RREB1: variants seen among roughly 807,000 people sequenced by gnomAD.
RREB1 encodes ras responsive element binding protein 1, also known as ras-responsive element-binding protein 1.
In RREB1, 27 loss-of-function variants were observed where a neutral mutation model predicts 117.8. The ratio of observed to expected loss-of-function variants is 0.23; its 90% CI spans 0.17 to 0.32. RREB1 has a LOEUF of 0.32. Ranked by LOEUF, RREB1 falls within the 10% of genes least tolerant of loss-of-function variation. The pLI is 1.00. For missense variants in RREB1, 2,577 were observed against 2,378.2 expected, an observed-to-expected ratio of 1.08 and a Z score of -1.74; for synonymous variants, 1,298 against 1,026.7, an observed-to-expected ratio of 1.26 and a Z score of -5.05.
intron 1 of RREB1, among the ~76,000 whole-genome samples, chr6:7,133,134 A>G (rs564871497): frequency 2.0e-5 from 3 of 152,312 alleles, no homozygotes; most frequent in South Asian, 2.1e-4. Context: ...AAGGGGCCTC[A>G]GGGAAGCATG....
intron 1 of RREB1, among the ~76,000 whole-genome samples, chr6:7,130,081 T>G (rs1762087862): frequency 6.6e-6 from 1 of 152,182 alleles, no homozygotes; most frequent in African/African-American, 2.4e-5. Context: ...CACTCAATTT[T>G]GGAGTCTTGC....
Position 7,231,434 on chromosome 6 carries a change from C to G in RREB1, c.3335C>G (p.Ala1112Gly). Residue 1112 changes from alanine (A) to glycine (G), a missense_variant, in exon 10 of 13, where the codon GCC becomes GGC. Transcript: ENST00000379938. ...DSLGGSVPKA[A>G]TTATPAATTS... ...TTAGGAGGTTCTGTCCCCAAAGCCG[C>G]CACCACCGCCACCCCCGCTGCCACC... is the stretch of plus-strand genomic sequence containing the variant. 2 of 1,612,364 alleles carry G rather than the reference C, an allele frequency of 1.2e-6. No homozygotes were observed. The highest frequency in any genetic ancestry group is 1.7e-6 in the Non-Finnish European group (2 of 1,179,496).
rs766454574 is a variant in RREB1, at chr6:7,231,536, C to T, written c.3437C>T (p.Pro1146Leu). The T allele has an allele frequency of 1.2e-6, 2 of 1,609,522 alleles. No homozygotes were observed. Among genetic ancestry groups the T allele is most frequent in the Non-Finnish European group, 1.7e-6 (2 of 1,178,250 alleles). ...GCTGCCTCTCCCACCGAGCAGGGCCCAGCGGGCACGTCGAAGAAGAGGGGC... is the reference window on the plus strand; with the variant it reads ...GCTGCCTCTCCCACCGAGCAGGGCCTAGCGGGCACGTCGAAGAAGAGGGGC... ...PEAASPTEQG[P>L]AGTSKKRGRK... Residue 1146 changes from proline to leucine, a missense_variant, in exon 10 of 13, where the codon CCA becomes CTA. Coordinates refer to ENST00000379938, the MANE Select transcript of RREB1 (RefSeq NM_001003699.4).
At position 7,131,447 on chromosome 6, in the gene RREB1, T is replaced by C. The variant is rs953721214; in HGVS notation, c.-285+23387T>C. On this transcript the variant is annotated intron_variant, in intron 1 of 12. Coordinates refer to ENST00000379938, the MANE Select transcript of RREB1 (RefSeq NM_001003699.4). ...TATACCTCTTGCAGTCTGTATTTCATCTGATTTAATCTTTGCATCAACTTA... is the reference window on the plus strand; with the variant it reads ...TATACCTCTTGCAGTCTGTATTTCACCTGATTTAATCTTTGCATCAACTTA... Among the ~76,000 whole-genome samples the C allele has an allele frequency of 6.6e-5, 10 of 152,222 alleles. No homozygotes were observed. In the South Asian group the frequency reaches 2.1e-3, roughly 31 times the overall value.
At chr6:7,202,887 A>T (rs1365090058) in intron 6 of RREB1, among the ~76,000 whole-genome samples, 1 of 152,224 alleles carries the variant, frequency 6.6e-6, no homozygotes. Context: ...ACATCAATTC[A>T]TCCAACTTCT....
intron 5 of RREB1, among the ~76,000 whole-genome samples, chr6:7,188,752 G>A (rs536339337): frequency 5.9e-5 from 9 of 152,182 alleles, no homozygotes; most frequent in African/African-American, 9.6e-5. Flanking sequence ...TTTCTCTGAC[G>A]GCAGGCCTGA....
chr6:7,119,206 C>T (rs922619765), intron 1 of RREB1, among the ~76,000 whole-genome samples: 1 of 151,974 alleles, frequency 6.6e-6, no homozygotes, highest in Admixed American at 6.6e-5. Context: ...CAAAAATTAG[C>T]TGGGCGTAGT....
intron 1 of RREB1, among the ~76,000 whole-genome samples, chr6:7,112,421 A>T (rs1482828076): frequency 6.6e-6 from 1 of 152,118 alleles, no homozygotes; most frequent in Non-Finnish European, 1.5e-5. Flanking sequence ...TTTATGTCCA[A>T]ATATAATTAA....
chr6:7,172,722 C>T (rs1016320524), intron 1 of RREB1, among the ~76,000 whole-genome samples: 1 of 151,892 alleles, frequency 6.6e-6, no homozygotes, highest in African/African-American at 2.4e-5. Flanking sequence ...CTTGGGTTGC[C>T]GCCCTATCCA....
At chr6:7,236,300 C>T (rs1010098087) in intron 10 of RREB1, among the ~76,000 whole-genome samples, 1 of 152,164 alleles carries the variant, frequency 6.6e-6, no homozygotes, top group Non-Finnish European at 1.5e-5. Context: ...TTCCGGGCTT[C>T]CCTGGCTTGC....
chr6:7,183,270 GTA>G (rs1764900190), intron 4 of RREB1: 1 of 152,152 alleles, frequency 6.6e-6, no homozygotes, highest in Non-Finnish European at 1.5e-5. Context: ...TACTCAGCCT[GTA>G]TGACTGTGGC....
chr6:7,112,586 A>G (rs6925389), intron 1 of RREB1, among the ~76,000 whole-genome samples: 69,106 of 151,958 alleles, frequency 0.45, 19,293 homozygotes, highest in Non-Finnish European at 0.63. Context: ...GGTTGCAGGT[A>G]CCTTATATCA....
intron 2 of RREB1, among the ~76,000 whole-genome samples, chr6:7,179,363 A>G (rs766413999): frequency 8.2e-4 from 125 of 152,112 alleles, no homozygotes; most frequent in Non-Finnish European, 1.5e-3. Flanking sequence ...GGCTCAAGCA[A>G]TCCTACCGCC....
chr6:7,216,428 ATC>A lies in RREB1; in HGVS notation c.707+4723_707+4724del, dbSNP rs1450609193. On this transcript the variant is annotated intron_variant, in intron 8 of 12. Coordinates refer to ENST00000379938, the MANE Select transcript of RREB1 (RefSeq NM_001003699.4). ...TCTGAGTTCAAGGTGATGACATTAA[ATC>A]TCTGTTGGGAATTGGTACATAGGGA... is the stretch of plus-strand genomic sequence containing the variant. 4.6e-5 allele frequency: 7 copies of A among 152,120 alleles called. No homozygotes were observed. The East Asian group carries it at 1.2e-3, about 25-fold the overall frequency. The allele number at this position is 152,120 out of a possible 1,614,324, so 9.4% of individuals were successfully genotyped here. A position where few individuals can be genotyped will look rare whatever the true frequency, so the allele number is the denominator to read the frequency against.
chr6:7,129,928 GC>G (rs1422434753), intron 1 of RREB1, among the ~76,000 whole-genome samples: 7 of 152,170 alleles, frequency 4.6e-5, no homozygotes, highest in Non-Finnish European at 1.0e-4. Flanking sequence ...TGAAGGTAGG[GC>G]CAAGAGCTTT....
At chr6:7,203,264 T>A (rs939892393) in intron 6 of RREB1, among the ~76,000 whole-genome samples, 1 of 152,150 alleles carries the variant, frequency 6.6e-6, no homozygotes, top group African/African-American at 2.4e-5. Flanking sequence ...GAGAATGTCA[T>A]CCCTCAACCC....
chr6:7,213,583 T>C (rs1766734858), intron 8 of RREB1: 1 of 152,400 alleles, frequency 6.6e-6, no homozygotes, highest in Middle Eastern at 3.4e-3. Context: ...GGTTCAGGAA[T>C]GTTCACAGCA....
At chr6:7,228,221 C>T (rs911044658) in intron 9 of RREB1, among the ~76,000 whole-genome samples, 1 of 151,986 alleles carries the variant, frequency 6.6e-6, no homozygotes, top group Non-Finnish European at 1.5e-5. Context: ...AGGAGACATT[C>T]CTCATAGACC....
intron 2 of RREB1, among the ~76,000 whole-genome samples, chr6:7,178,384 A>G (rs1223546952): frequency 1.3e-5 from 2 of 152,202 alleles, no homozygotes; most frequent in African/African-American, 2.4e-5. Flanking sequence ...AAAATTGTCC[A>G]GGATGTGGTT....
Sources: allele counts gnomAD v4.1 joint callset (sites outside exome capture counted in the v4.1 genomes callset), GRCh38; gene constraint gnomAD v4.1.1; transcripts MANE v1.5; gene names NCBI Gene and HGNC (gene_info 2026-07-23, HGNC 2026-07-21).